POTEJ: variants seen among roughly 807,000 people sequenced by gnomAD.
POTEJ encodes POTE ankyrin domain family member J, also known as POTE ankyrin domain family, member J.
POTEJ carries 11 observed loss-of-function variants against 69.0 expected under a neutral mutation model. The ratio of observed to expected loss-of-function variants is 0.16; its 90% CI spans 0.10 to 0.26. The LOEUF (loss-of-function observed/expected upper bound fraction) is 0.26, where lower values mean the gene tolerates loss of function less well. POTEJ is among the 10% of genes least tolerant of loss of function. The probability of loss-of-function intolerance (pLI) is 1.00; values close to 1 mark genes in which losing one functional copy is unlikely to be tolerated. For synonymous variants in POTEJ, 117 were observed against 381.1 expected (o/e 0.31, Z 8.07); for missense variants, 327 against 1,045.5 (o/e 0.31, Z 9.48).
chr2:130,655,976 G>T (rs1482632008), intron 14 of POTEJ, among the ~76,000 whole-genome samples: 1 of 141,228 alleles, frequency 7.1e-6, no homozygotes, highest in Non-Finnish European at 1.5e-5. Flanking sequence ...GCTTAGATTT[G>T]ACAGTTATAA....
intron 10 of POTEJ, among the ~76,000 whole-genome samples, chr2:130,643,151 T>C (rs1425766931): frequency 1.4e-5 from 2 of 145,974 alleles, no homozygotes; most frequent in East Asian, 3.9e-4. Flanking sequence ...ATCAGTAAAG[T>C]ACTAAGGCAG....
At chr2:130,625,487 C>T (rs1417354081) in intron 6 of POTEJ, among the ~76,000 whole-genome samples, 12 of 151,836 alleles carry the variant, frequency 7.9e-5, no homozygotes, top group African/African-American at 2.9e-4. Flanking sequence ...TGATTATGTG[C>T]CAGACATATG....
chr2:130,625,753 G>T (rs1685682806), intron 6 of POTEJ, among the ~76,000 whole-genome samples: 1 of 141,036 alleles, frequency 7.1e-6, no homozygotes, highest in African/African-American at 2.9e-5. Context: ...AAAAGTGTGA[G>T]ATACCAGAAG....
chr2:130,613,012 G>A (rs1210237950), intron 1 of POTEJ, among the ~76,000 whole-genome samples: 7 of 135,068 alleles, frequency 5.2e-5, no homozygotes, highest in East Asian at 2.0e-4. Flanking sequence ...AACAGAATAG[G>A]AAATTTAGAA....
chr2:130,618,833 A>G (rs1275917780), intron 3 of POTEJ, among the ~76,000 whole-genome samples: 1 of 114,114 alleles, frequency 8.8e-6, no homozygotes, highest in African/African-American at 4.0e-5. Flanking sequence ...CCAGGCTGGA[A>G]TGCAGTGGTG....
chr2:130,631,107 T>C (rs1685881760), intron 7 of POTEJ, among the ~76,000 whole-genome samples: 1 of 146,150 alleles, frequency 6.8e-6, no homozygotes. Context: ...TCCAAACAAA[T>C]GGTGACCAAG....
chr2:130,650,326 T>C (rs1256347068), intron 13 of POTEJ, among the ~76,000 whole-genome samples: 1 of 152,276 alleles, frequency 6.6e-6, no homozygotes, highest in Non-Finnish European at 1.5e-5. Flanking sequence ...ATCAAACACA[T>C]AAAGATTTCA....
chr2:130,637,693 A>C (rs1445429764), intron 9 of POTEJ, among the ~76,000 whole-genome samples: 1 of 152,282 alleles, frequency 6.6e-6, no homozygotes, highest in South Asian at 2.1e-4. Flanking sequence ...TATGTATGTT[A>C]AAAATTAGAG....
intron 10 of POTEJ, among the ~76,000 whole-genome samples, chr2:130,642,652 C>T (rs62164951): frequency 0.013 from 1,339 of 99,846 alleles, no homozygotes; most frequent in Middle Eastern, 0.027. Flanking sequence ...ACATTAATGT[C>T]CAAGCATCTT....
At chr2:130,649,933 A>G (rs544795808) in intron 13 of POTEJ, among the ~76,000 whole-genome samples, 17 of 152,266 alleles carry the variant, frequency 1.1e-4, no homozygotes, top group African/African-American at 3.9e-4. Flanking sequence ...AAAGAAACCC[A>G]TTAAGGAATA....
rs774124863 is a variant in POTEJ, at chr2:130,657,520, C to T, written c.2760C>T (p.Cys920=). The change falls in exon 15 of 15, where the codon TGC becomes TGT. Residue 920 remains cysteine, a synonymous_variant. Transcript: ENST00000409602. The stretch of plus-strand genomic sequence containing the variant: ...CCATCAGCAACGAGTGGTTCCGCTG[C>T]CCCGAGGCGCTCTTCCAGCCTTGCT... ...VITISNEWFR[C]PEALFQPCFL... 1.3e-6 allele frequency: 2 copies of T among 1,568,222 alleles called. No homozygotes were observed. The highest frequency in any genetic ancestry group is 2.2e-5 in the East Asian group (1 of 44,836).
At chr2:130,640,932 G>A (rs1362807784) in intron 10 of POTEJ, among the ~76,000 whole-genome samples, 2 of 152,068 alleles carry the variant, frequency 1.3e-5, no homozygotes, top group Non-Finnish European at 2.9e-5. Flanking sequence ...TTGAGCAGGG[G>A]AGTCACAAGA....
chr2:130,613,562 G>A (rs1685321487), intron 1 of POTEJ, among the ~76,000 whole-genome samples: 1 of 134,600 alleles, frequency 7.4e-6, no homozygotes, highest in African/African-American at 3.1e-5. Flanking sequence ...CACCATGCCT[G>A]GCTAATTGTT....
At chr2:130,641,390 T>G (rs1400657307) in intron 10 of POTEJ, among the ~76,000 whole-genome samples, 1 of 148,878 alleles carries the variant, frequency 6.7e-6, no homozygotes, top group Non-Finnish European at 1.5e-5. Context: ...TCGTTATGCC[T>G]TTTTCACTTG....
chr2:130,655,266 A>G (rs1686943515), intron 14 of POTEJ, among the ~76,000 whole-genome samples: 1 of 152,120 alleles, frequency 6.6e-6, no homozygotes, highest in African/African-American at 2.4e-5. Context: ...CCTCAATCCA[A>G]AGGAGAAGTA....
chr2:130,647,178 T>C (rs1249671963), intron 13 of POTEJ, among the ~76,000 whole-genome samples: 2 of 151,108 alleles, frequency 1.3e-5, no homozygotes, highest in African/African-American at 2.5e-5. Flanking sequence ...TACTGATTAT[T>C]TCACAATTAA....
At position 130,629,082 on chromosome 2, in the gene POTEJ, A is replaced by T. The variant is rs1199400854; in HGVS notation, c.1016-867A>T. ...CGAATCGTGGAGGGAAACATTTTAGATATTGGGAAGACATTGTACACTAAT... is the reference window on the plus strand; with the variant it reads ...CGAATCGTGGAGGGAAACATTTTAGTTATTGGGAAGACATTGTACACTAAT... On this transcript the variant is annotated intron_variant, in intron 6 of 14. Coordinates refer to ENST00000409602, the MANE Select transcript of POTEJ (RefSeq NM_001277083.2). Among the ~76,000 whole-genome samples, 17 of 152,274 alleles carry T rather than the reference A, an allele frequency of 1.1e-4. No individual in the cohort carries two copies. In the East Asian group the frequency reaches 2.7e-3, roughly 24 times the overall value.
chr2:130,626,634 G>C (rs1685716805), intron 6 of POTEJ, among the ~76,000 whole-genome samples: 1 of 152,174 alleles, frequency 6.6e-6, no homozygotes, highest in African/African-American at 2.4e-5. Flanking sequence ...GTGGCCTATA[G>C]TTTGCTGGGA....
chr2:130,631,612 G>A (rs1467624670), intron 8 of POTEJ, among the ~76,000 whole-genome samples, 159 bp downstream of exon 8: 2 of 141,088 alleles, frequency 1.4e-5, no homozygotes, highest in African/African-American at 5.7e-5. Context: ...TCTGTACTTT[G>A]AGTTTTCAAG....
Sources: allele counts gnomAD v4.1 joint callset (sites outside exome capture counted in the v4.1 genomes callset), GRCh38; gene constraint gnomAD v4.1.1; transcripts MANE v1.5; gene names NCBI Gene and HGNC (gene_info 2026-07-23, HGNC 2026-07-21).